DRC1: variants seen among roughly 807,000 people sequenced by gnomAD.
DRC1 encodes the protein dynein regulatory complex protein 1.
DRC1 carries 74 observed loss-of-function variants against 98.7 expected under a neutral mutation model. That is an observed-to-expected ratio of 0.75 (90% CI 0.62 to 0.91). The LOEUF (loss-of-function observed/expected upper bound fraction) is 0.91. Ranked by LOEUF, DRC1 falls within the 40% of genes least tolerant of loss-of-function variation. The pLI is 0.00. For missense variants in DRC1, 875 were observed against 886.0 expected (o/e 0.99, Z 0.16); for synonymous variants, 336 against 334.1 (o/e 1.01, Z -0.06).
chr2:26,429,510 T>C (rs1663376615), intron 4 of DRC1, 118 bp from the exon 5 acceptor site: 1 of 1,368,386 alleles, frequency 7.3e-7, no homozygotes, highest in Non-Finnish European at 1.0e-6. Context: ...GCAGCCCTCT[T>C]TGTACAGTTT....
chr2:26,440,468 G>A lies in DRC1; in HGVS notation c.979G>A (p.Asp327Asn). 6.2e-7 allele frequency: 1 copy of A among 1,613,464 alleles called. No individual in the cohort carries two copies. The highest frequency in any genetic ancestry group is 8.5e-7 in the Non-Finnish European group (1 of 1,179,706). ...EYNLQVLKKRDEESTVIKSQQ... is the reference protein window; with the variant it reads ...EYNLQVLKKRNEESTVIKSQQ... Reference sequence around the variant, plus strand: ...CAACTTGCAGGTGCTGAAGAAGAGAGATGAAGAAAGCACAGTAATTAAATC... The same window carrying A: ...CAACTTGCAGGTGCTGAAGAAGAGAAATGAAGAAAGCACAGTAATTAAATC... The change falls in exon 8 of 17, where the codon GAT (aspartate) becomes AAT (asparagine). Residue 327 changes from aspartate (D) to asparagine (N), a missense_variant. Transcript: ENST00000288710.
intron 13 of DRC1, 42 bp from the exon 14 acceptor site, chr2:26,453,278 C>A: frequency 6.2e-7 from 1 of 1,608,640 alleles, no homozygotes; most frequent in Non-Finnish European, 8.5e-7. Flanking sequence ...TGCTCATGCT[C>A]GTGTGTCCCC....
At chr2:26,421,259 T>C in intron 2 of DRC1, 29 bp from the exon 3 acceptor site, 1 of 1,600,644 alleles carries the variant, frequency 6.2e-7, no homozygotes, top group Non-Finnish European at 8.5e-7. Context: ...GTGTTCTAGC[T>C]TTGTAAATTC....
chr2:26,437,714 A>G (rs1255052663), intron 7 of DRC1, among the ~76,000 whole-genome samples: 3 of 152,176 alleles, frequency 2.0e-5, no homozygotes, highest in Admixed American at 6.5e-5. Context: ...ATATAACTAT[A>G]TATATATACA....
intron 2 of DRC1, among the ~76,000 whole-genome samples, chr2:26,416,171 C>T (rs995260535): frequency 7.2e-5 from 11 of 152,160 alleles, no homozygotes; most frequent in African/African-American, 2.7e-4. Flanking sequence ...ATGCTCCCTT[C>T]CTCAAGATTA....
intron 1 of DRC1, among the ~76,000 whole-genome samples, chr2:26,408,676 C>T (rs998365718): frequency 6.6e-6 from 1 of 152,110 alleles, no homozygotes; most frequent in Non-Finnish European, 1.5e-5. Flanking sequence ...GAGGCTGAGG[C>T]ACGAGAATTG....
In DRC1 at chr2:26,414,374, G is replaced by A; in HGVS notation, c.186G>A (p.Lys62=). The change falls in exon 2 of 17, where the codon AAG becomes AAA. Residue 62 remains lysine, a synonymous_variant. Transcript: ENST00000288710. ...CACTTGGAGAATATTTAGATGGGAA[G>A]AAGGAGAGTGAGGAGGATCAAAGCA... ...REALGEYLDG[K]KESEEDQSKS... The A allele has an allele frequency of 1.2e-6, 2 of 1,613,978 alleles. No individual in the cohort carries two copies. Among genetic ancestry groups the A allele is most frequent in the Middle Eastern group, 1.6e-4 (1 of 6,062 alleles).
At chr2:26,428,792 T>C (rs7601668) in intron 4 of DRC1, among the ~76,000 whole-genome samples, 136,204 of 151,580 alleles carry the variant, frequency 0.9, 62,170 homozygotes, top group Middle Eastern at 0.97. Context: ...AGCAAGACTC[T>C]GTCTCAAAAA....
At chr2:26,417,633 C>CTTGGCTATTCT (rs1366099816) in intron 2 of DRC1, among the ~76,000 whole-genome samples, 2 of 152,186 alleles carry the variant, frequency 1.3e-5, no homozygotes, top group African/African-American at 4.8e-5. Context: ...CCAGCCTTGT[C>CTTGGCTATTCT]TTGGCTATTC....
At chr2:26,429,786 C>A in intron 5 of DRC1, 21 bp downstream of exon 5, 1 of 1,612,398 alleles carries the variant, frequency 6.2e-7, no homozygotes, top group South Asian at 1.1e-5. Context: ...GTGAAAAGAC[C>A]TGGTTTCTGC....
At chr2:26,404,361 T>C (rs1191540374) in intron 1 of DRC1, among the ~76,000 whole-genome samples, 1 of 152,186 alleles carries the variant, frequency 6.6e-6, no homozygotes, top group African/African-American at 2.4e-5. Flanking sequence ...TTCCTGATTA[T>C]TTTTCCTGAT....
At position 26,427,768 on chromosome 2, in the gene DRC1, T is replaced by C. The variant is rs188235006; in HGVS notation, c.541-1860T>C. On this transcript the variant is annotated intron_variant, in intron 4 of 16. Transcript: ENST00000288710. ...CTGCTAACTATCATTCTACTTTCTATCTCCACGAGTTCAATTGTTTTAATT... is the reference window on the plus strand; with the variant it reads ...CTGCTAACTATCATTCTACTTTCTACCTCCACGAGTTCAATTGTTTTAATT... Among the ~76,000 whole-genome samples, 5 of 152,312 alleles carry C rather than the reference T, an allele frequency of 3.3e-5. No individual in the cohort carries two copies. The East Asian group carries it at 9.6e-4, about 29-fold the overall frequency.
intron 10 of DRC1, among the ~76,000 whole-genome samples, chr2:26,446,546 ACAGGATGC>A (rs1249740593): frequency 6.6e-6 from 1 of 152,166 alleles, no homozygotes; most frequent in Non-Finnish European, 1.5e-5. Context: ...CTCCTCATCA[ACAGGATGC>A]CAGGATTTTT....
At chr2:26,430,955 TATC>T (rs1415037399) in intron 6 of DRC1, 83 bp downstream of exon 6, 12 of 875,366 alleles carry the variant, frequency 1.4e-5, no homozygotes, top group Non-Finnish European at 2.0e-5. Context: ...AGCCTTTTTC[TATC>T]TTTTTTTTTT....
At chr2:26,434,594 T>C (rs1269823005) in intron 7 of DRC1, among the ~76,000 whole-genome samples, 1 of 152,084 alleles carries the variant, frequency 6.6e-6, no homozygotes, top group Non-Finnish European at 1.5e-5. Context: ...TATAATCTAT[T>C]AAGAAAGCAA....
chr2:26,434,230 T>A (rs1663509920), intron 7 of DRC1, among the ~76,000 whole-genome samples: 2 of 151,990 alleles, frequency 1.3e-5, no homozygotes, highest in South Asian at 4.1e-4. Context: ...TAAAAAAAAA[T>A]GTCTTACTAT....
intron 2 of DRC1, among the ~76,000 whole-genome samples, chr2:26,418,824 A>G (rs1678943578): frequency 7.3e-6 from 1 of 136,162 alleles, no homozygotes; most frequent in South Asian, 2.1e-4. Context: ...TATAGTATAT[A>G]TAATATATAG....
At chr2:26,444,085 T>G in intron 8 of DRC1, 137 bp from the exon 9 acceptor site, 1 of 1,229,872 alleles carries the variant, frequency 8.1e-7, no homozygotes, top group Non-Finnish European at 1.1e-6. Flanking sequence ...ATCTGTGTTT[T>G]GGAATATATG....
Position 26,444,871 on chromosome 2 carries a change from T to C in DRC1, c.1319T>C (p.Leu440Pro). Residue 440 changes from leucine to proline, a missense_variant, in exon 10 of 17, where the codon CTG becomes CCG. Coordinates refer to ENST00000288710, the MANE Select transcript of DRC1 (RefSeq NM_145038.5). ...TGGGCAGCACCTGATTTCTGGTTCC[T>C]GAACAATGTTGGGCCTATTTCTCAG... is the stretch of plus-strand genomic sequence containing the variant. ...LPWAAPDFWF[L>P]NNVGPISQQP... 6.2e-7 allele frequency: 1 copy of C among 1,614,212 alleles called. No homozygotes were observed. The highest frequency in any genetic ancestry group is 1.1e-5 in the South Asian group (1 of 91,078).
Sources: gnomAD v4.1 joint callset for allele counts (sites outside exome capture counted in the v4.1 genomes callset) on GRCh38, gnomAD v4.1.1 for gene constraint, MANE v1.5 for transcripts, NCBI Gene and HGNC (gene_info 2026-07-23, HGNC 2026-07-21) for gene names.